The following ANKRD17 variants were observed in gnomAD, a reference collection of about 807,000 sequenced individuals.
The protein encoded by ANKRD17 is ankyrin repeat domain-containing protein 17.
In ANKRD17, 19 loss-of-function variants were observed where a neutral mutation model predicts 229.7. The observed-to-expected ratio is 0.08, with a 90% CI of 0.06 to 0.12. The LOEUF is 0.12. Among genes scored for constraint, ANKRD17 ranks in the 10% least tolerant of loss-of-function variants. The pLI, the probability that ANKRD17 is intolerant of heterozygous loss-of-function variation, is 1.00. For missense variants in ANKRD17, 2,176 were observed against 3,176.8 expected (o/e 0.68, Z 7.57); for synonymous variants, 1,112 against 1,146.1 (o/e 0.97, Z 0.60).
At chr4:73,192,002 T>A (rs1159658692) in intron 1 of ANKRD17, among the ~76,000 whole-genome samples, 6 of 152,056 alleles carry the variant, frequency 3.9e-5, no homozygotes. Flanking sequence ...ATAAATTATA[T>A]ATGGAATAAT....
chr4:73,105,400 T>G (rs1380137202), intron 24 of ANKRD17, among the ~76,000 whole-genome samples: 1 of 151,482 alleles, frequency 6.6e-6, no homozygotes, highest in Non-Finnish European at 1.5e-5. Flanking sequence ...AGAGTTTATG[T>G]ATATGTGTGT....
intron 1 of ANKRD17, among the ~76,000 whole-genome samples, chr4:73,179,063 CATA>C (rs1358296627): frequency 5.9e-5 from 9 of 152,022 alleles, no homozygotes; most frequent in Admixed American, 2.0e-4. Context: ...CCTTAACCAT[CATA>C]ACCTCAGAAA....
Position 73,156,149 on chromosome 4 carries a change from G to T in ANKRD17, c.722C>A (p.Ala241Asp). The T allele has an allele frequency of 6.3e-7, 1 of 1,599,212 alleles. No individual in the cohort carries two copies. The highest frequency in any genetic ancestry group is 8.5e-7 in the Non-Finnish European group (1 of 1,176,312). ...GQSDNRSLAE[A>D]CSEGDVNAVR... Reference sequence around the variant, plus strand: ...AGCATTTACATCTCCTTCTGAACAGGCTTCTGCCAAACTGCGGCTATTACG... The same window carrying T: ...AGCATTTACATCTCCTTCTGAACAGTCTTCTGCCAAACTGCGGCTATTACG... The change falls in exon 4 of 34, where the codon GCC becomes GAC. Residue 241 changes from alanine to aspartate, a missense_variant. By Grantham distance (126) the Ala-to-Asp change is moderately radical. Coordinates refer to ENST00000358602, the MANE Select transcript of ANKRD17 (RefSeq NM_032217.5).
At chr4:73,125,558 C>A (rs1727324039) in intron 16 of ANKRD17, among the ~76,000 whole-genome samples, 1 of 151,808 alleles carries the variant, frequency 6.6e-6, no homozygotes, top group Non-Finnish European at 1.5e-5. Flanking sequence ...CATGGTGAAA[C>A]CCCATCTTGA....
chr4:73,104,834 T>A (rs1323124185), intron 24 of ANKRD17, among the ~76,000 whole-genome samples: 2 of 152,096 alleles, frequency 1.3e-5, no homozygotes, highest in African/African-American at 4.8e-5. Flanking sequence ...TTTAAGCCCA[T>A]ATGTCCTAGA....
At chr4:73,187,905 C>T (rs968232865) in intron 1 of ANKRD17, among the ~76,000 whole-genome samples, 19 of 152,032 alleles carry the variant, frequency 1.2e-4, no homozygotes, top group Admixed American at 5.2e-4. Context: ...ACACCAGAGA[C>T]CAGTTTCATG....
chr4:73,102,423 T>C lies in ANKRD17; in HGVS notation c.4526A>G (p.Asn1509Ser). The change falls in exon 25 of 34, where the codon AAC becomes AGC. Residue 1509 changes from asparagine to serine, a missense_variant. Coordinates refer to ENST00000358602, the MANE Select transcript of ANKRD17 (RefSeq NM_032217.5). Reference protein sequence around the residue: ...LEEIEAKNKENFELQAAQEKE... With the variant: ...LEEIEAKNKESFELQAAQEKE... ...TTCTTGAGCAGCTTGGAGTTCAAAGTTCTCTTTATTTTTGGCTTCAATTTC... is the reference window on the plus strand; with the variant it reads ...TTCTTGAGCAGCTTGGAGTTCAAAGCTCTCTTTATTTTTGGCTTCAATTTC... 2.5e-6 allele frequency: 4 copies of C among 1,604,606 alleles called. No individual in the cohort carries two copies. The highest frequency in any genetic ancestry group is 3.4e-6 in the Non-Finnish European group (4 of 1,178,100).
chr4:73,258,637 G>A lies in ANKRD17; in HGVS notation c.32C>T (p.Ala11Val), dbSNP rs1745718298. The A allele has an allele frequency of 2.0e-6, 3 of 1,487,032 alleles. No individual in the cohort carries two copies. The highest frequency in any genetic ancestry group is 2.3e-5 in the Admixed American group (1 of 43,496). 92.1% of individuals were successfully genotyped at this position (1,487,032 alleles called of 1,614,324 possible). Residue 11 changes from alanine (A) to valine (V), a missense_variant, in exon 1 of 34, where the codon GCG becomes GTG. Ala to Val is a moderately conservative substitution (Grantham distance 64). Transcript: ENST00000358602. The part of the protein sequence containing the change: MEKATVPVAA[A>V]TAAEGEGSPP... ...GCTCCCTTCTCCTTCTGCAGCCGTC[G>A]CCGCCGCCACCGGAACCGTCGCCTT...
At chr4:73,251,465 C>G (rs1050558829) in intron 1 of ANKRD17, among the ~76,000 whole-genome samples, 12 of 151,510 alleles carry the variant, frequency 7.9e-5, no homozygotes, top group Middle Eastern at 3.5e-3. Flanking sequence ...AGGTAAGATT[C>G]AAGGGACTAG....
At chr4:73,222,931 G>A in intron 1 of ANKRD17, 3 of 1,412,824 alleles carry the variant, frequency 2.1e-6, no homozygotes, top group Middle Eastern at 1.7e-4. Context: ...AGATTTCTTT[G>A]TTCAGATTTC....
At chr4:73,135,002 A>C in intron 16 of ANKRD17, 115 bp downstream of exon 16, 1 of 1,060,044 alleles carries the variant, frequency 9.4e-7, no homozygotes. Flanking sequence ...AAACTGGCTC[A>C]AGACTTTGCC....
chr4:73,110,695 G>A (rs1725205299), intron 24 of ANKRD17, among the ~76,000 whole-genome samples: 1 of 152,140 alleles, frequency 6.6e-6, no homozygotes, highest in African/African-American at 2.4e-5. Context: ...ATATCCCAAT[G>A]TGATAATCTT....
intron 27 of ANKRD17, among the ~76,000 whole-genome samples, chr4:73,095,551 G>A (rs1191077056): frequency 3.4e-5 from 5 of 145,558 alleles, no homozygotes; most frequent in African/African-American, 1.0e-4. Context: ...GCAGCAAGCC[G>A]AGATCACGCC....
At chr4:73,252,774 G>T (rs1201776781) in intron 1 of ANKRD17, among the ~76,000 whole-genome samples, 1 of 151,972 alleles carries the variant, frequency 6.6e-6, no homozygotes, top group African/African-American at 2.4e-5. Context: ...AGAAAGGGTG[G>T]TTTTTCAGTA....
At chr4:73,212,682 CAT>C (rs938455855) in intron 1 of ANKRD17, among the ~76,000 whole-genome samples, 165 of 152,122 alleles carry the variant, frequency 1.1e-3, no homozygotes, top group African/African-American at 3.6e-3. Context: ...AAACCCACCA[CAT>C]GTTTTTGGAA....
intron 1 of ANKRD17, among the ~76,000 whole-genome samples, chr4:73,202,617 A>T (rs991897745): frequency 6.6e-6 from 1 of 152,244 alleles, no homozygotes; most frequent in Non-Finnish European, 1.5e-5. Flanking sequence ...TTCTAACTTT[A>T]GAGTACAGAC....
At chr4:73,223,958 A>G (rs1322611975) in intron 1 of ANKRD17, among the ~76,000 whole-genome samples, 1 of 152,148 alleles carries the variant, frequency 6.6e-6, no homozygotes, top group Non-Finnish European at 1.5e-5. Flanking sequence ...ATGCACTGAA[A>G]AAGGAACAAT....
intron 22 of ANKRD17, among the ~76,000 whole-genome samples, chr4:73,117,828 C>T (rs1254939400): frequency 6.6e-6 from 1 of 152,044 alleles, no homozygotes; most frequent in Non-Finnish European, 1.5e-5. Context: ...ATCAAACAAA[C>T]CATTAAATCA....
At chr4:73,143,007 T>C (rs1729802865) in intron 11 of ANKRD17, among the ~76,000 whole-genome samples, 1 of 152,092 alleles carries the variant, frequency 6.6e-6, no homozygotes, top group African/African-American at 2.4e-5. Context: ...ACGATATAAT[T>C]TGAAAAGGTT....
Sources: allele counts gnomAD v4.1 joint callset (sites outside exome capture counted in the v4.1 genomes callset), GRCh38; gene constraint gnomAD v4.1.1; transcripts MANE v1.5; gene names NCBI Gene and HGNC (gene_info 2026-07-23, HGNC 2026-07-21).